The following ZNF623 variants were observed in gnomAD, a reference collection of about 807,000 sequenced individuals.
ZNF623 encodes the protein zinc finger protein 623.
In ZNF623, 16 loss-of-function variants were observed where a neutral mutation model predicts 24.0. The ratio of observed to expected loss-of-function variants is 0.67; its 90% CI spans 0.45 to 1.01. ZNF623 has a LOEUF of 1.01. Ranked by LOEUF, ZNF623 falls within the 50% of genes least tolerant of loss-of-function variation. ZNF623 has a pLI of 0.00. For synonymous variants in ZNF623, 224 were observed against 219.8 expected, an observed-to-expected ratio of 1.02 and a Z score of -0.17; for missense variants, 566 against 606.5, an observed-to-expected ratio of 0.93 and a Z score of 0.70.
chr8:143,637,715 A>G (rs1814956733), intron 1 of ZNF623, among the ~76,000 whole-genome samples: 1 of 151,978 alleles, frequency 6.6e-6, no homozygotes, highest in Admixed American at 6.6e-5. Flanking sequence ...ACGTCCGGCT[A>G]ATTTTTGTAT....
chr8:143,644,119 C>G (rs915980189), intron 1 of ZNF623, among the ~76,000 whole-genome samples: 1 of 152,164 alleles, frequency 6.6e-6, no homozygotes, highest in African/African-American at 2.4e-5. Context: ...CTCCCAGGTT[C>G]AAGTGATTCT....
intron 1 of ZNF623, among the ~76,000 whole-genome samples, chr8:143,644,171 C>G (rs1815119100): frequency 6.6e-6 from 1 of 152,118 alleles, no homozygotes; most frequent in African/African-American, 2.4e-5. Flanking sequence ...CAGGTGCATG[C>G]CACCACACCT....
chr8:143,643,836 A>T (rs919291158), intron 1 of ZNF623, among the ~76,000 whole-genome samples: 2 of 151,784 alleles, frequency 1.3e-5, no homozygotes, highest in Admixed American at 1.3e-4. Context: ...TCTGTGCATT[A>T]TTGTTTGTGT....
chr8:143,650,585 A>G lies in ZNF623; in HGVS notation c.593A>G (p.Lys198Arg). The G allele has an allele frequency of 6.2e-7, 1 of 1,614,226 alleles. No homozygotes were observed. The highest frequency in any genetic ancestry group is 8.5e-7 in the Non-Finnish European group (1 of 1,180,046). ...ACCAGAGAGAGACCTTTTGAATGCA[A>G]AGAGTGTGGGAAAGGCTTCAGTCAG... ...VHTRERPFECKECGKGFSQSS... is the reference protein window; with the variant it reads ...VHTRERPFECRECGKGFSQSS... Residue 198 changes from lysine (K) to arginine (R), a missense_variant, in exon 2 of 2, where the codon AAA becomes AGA. Coordinates refer to ENST00000526926, the MANE Select transcript of ZNF623 (RefSeq NM_001261843.2). The surrounding 1 kb of genome is among the most constrained non-coding windows in gnomAD (Gnocchi z 5.2).
chr8:143,649,134 C>A (rs1019327655), intron 1 of ZNF623, among the ~76,000 whole-genome samples: 1 of 151,862 alleles, frequency 6.6e-6, no homozygotes, highest in African/African-American at 2.4e-5. Context: ...AAAAATTAGC[C>A]GGGCGTGGTG....
intron 1 of ZNF623, among the ~76,000 whole-genome samples, chr8:143,638,167 C>G (rs951702715): frequency 1.1e-4 from 16 of 151,968 alleles, no homozygotes; most frequent in Non-Finnish European, 1.3e-4. Flanking sequence ...ATGGTGAAAC[C>G]CCATCTCTAC....
chr8:143,644,728 A>G (rs1048151465), intron 1 of ZNF623, among the ~76,000 whole-genome samples: 15 of 151,548 alleles, frequency 9.9e-5, no homozygotes, highest in Non-Finnish European at 1.3e-4. Flanking sequence ...CATCTCTACT[A>G]AAAATACACA....
At position 143,653,008 on chromosome 8, in the gene ZNF623, A is replaced by C. The variant is rs1443610396; in HGVS notation, c.*1525A>C. ...CAGGTGAGGGGGTGCCTGCTGTGGC[A>C]CAGAGCTGGGAAGGCCTTACAGAAG... On this transcript the variant is annotated 3_prime_UTR_variant, in exon 2 of 2. Coordinates refer to ENST00000526926, the MANE Select transcript of ZNF623 (RefSeq NM_001261843.2). 1 of 167,268 alleles carries C rather than the reference A, an allele frequency of 6.0e-6. No homozygotes were observed. Among genetic ancestry groups the C allele is most frequent in the Non-Finnish European group, 1.5e-5 (1 of 68,256 alleles). The allele number at this position is 167,268 out of a possible 1,614,324, so 10.4% of individuals were successfully genotyped here. A position where few individuals can be genotyped will look rare whatever the true frequency, so the allele number is the denominator to read the frequency against.
intron 1 of ZNF623, among the ~76,000 whole-genome samples, chr8:143,638,917 A>C (rs1814985533): frequency 6.6e-6 from 1 of 152,006 alleles, no homozygotes; most frequent in Admixed American, 6.6e-5. Flanking sequence ...TTTGAGATAG[A>C]GGTTTGCTCT....
chr8:143,643,094 C>G (rs908017009), intron 1 of ZNF623, among the ~76,000 whole-genome samples: 8 of 152,172 alleles, frequency 5.3e-5, no homozygotes, highest in African/African-American at 1.9e-4. Context: ...AGATTAGATG[C>G]GTGAGAAAAA....
intron 1 of ZNF623, among the ~76,000 whole-genome samples, chr8:143,641,120 T>C (rs954688080): frequency 7.9e-5 from 12 of 152,148 alleles, no homozygotes; most frequent in Non-Finnish European, 1.6e-4. Flanking sequence ...CAAAGATTCA[T>C]GAGGGCTGGA....
Position 143,651,038 on chromosome 8 carries a change from A to C in ZNF623, c.1046A>C (p.Tyr349Ser). Residue 349 changes from tyrosine (Y) to serine (S), a missense_variant, in exon 2 of 2, where the codon TAC (tyrosine) becomes TCC (serine). Transcript: ENST00000526926. ...ECGKAFFLSSYLIRHQKIHTG... is the reference protein window; with the variant it reads ...ECGKAFFLSSSLIRHQKIHTG... ...GGGAAAGCTTTCTTTCTGAGTTCATACCTTATTCGACACCAGAAAATCCAC... is the reference window on the plus strand; with the variant it reads ...GGGAAAGCTTTCTTTCTGAGTTCATCCCTTATTCGACACCAGAAAATCCAC... 6.2e-7 allele frequency: 1 copy of C among 1,614,078 alleles called. No individual in the cohort carries two copies. The highest frequency in any genetic ancestry group is 2.2e-5 in the East Asian group (1 of 44,894).
In ZNF623 at chr8:143,650,418, T is replaced by C. The variant is rs758101079; in HGVS notation, c.426T>C (p.Asn142=). The C allele has an allele frequency of 2.1e-5, 34 of 1,613,764 alleles. No homozygotes were observed. The Admixed American group carries it at 4.8e-4, about 23-fold the overall frequency. The change falls in exon 2 of 2, where the codon AAT becomes AAC. Residue 142 remains asparagine, a synonymous_variant. Transcript: ENST00000526926. This position sits in a 1 kb window ranked among gnomAD's most constrained non-coding sequence, Gnocchi z 5.2. ...IHTGERLYVC[N]VCGKDFIHYS... is the part of the protein sequence containing the mutation. ...CTGGAGAGAGACTCTACGTCTGTAATGTGTGTGGGAAAGACTTCATTCACT... is the reference window on the plus strand; with the variant it reads ...CTGGAGAGAGACTCTACGTCTGTAACGTGTGTGGGAAAGACTTCATTCACT...
chr8:143,641,101 C>G (rs1563697328), intron 1 of ZNF623, among the ~76,000 whole-genome samples: 1 of 152,286 alleles, frequency 6.6e-6, no homozygotes, highest in Non-Finnish European at 1.5e-5. Flanking sequence ...ACTGAAGTCT[C>G]AAACCCCTCA....
In ZNF623 at chr8:143,650,736, G is replaced by A. The variant is rs1815284472; in HGVS notation, c.744G>A (p.Val248=). ...GCCATTATCAGATCCACACAGAAGT[G>A]AAACAGTATGAATGCAAAGAATGTG... is the stretch of plus-strand genomic sequence containing the variant. The part of the protein sequence containing the change: ...LIRHYQIHTE[V]KQYECKECGK... Residue 248 remains valine, a synonymous_variant, in exon 2 of 2, where the codon GTG becomes GTA. Coordinates refer to ENST00000526926, the MANE Select transcript of ZNF623 (RefSeq NM_001261843.2). This position sits in a 1 kb window ranked among gnomAD's most constrained non-coding sequence, Gnocchi z 5.2. 1.2e-6 allele frequency: 2 copies of A among 1,613,870 alleles called. No homozygotes were observed. Among genetic ancestry groups the A allele is most frequent in the Admixed American group, 3.3e-5 (2 of 59,986 alleles).
chr8:143,646,284 C>G (rs1229014686), intron 1 of ZNF623, among the ~76,000 whole-genome samples: 2 of 152,172 alleles, frequency 1.3e-5, no homozygotes, highest in Non-Finnish European at 2.9e-5. Flanking sequence ...CTCAAGTAGT[C>G]CTCCTGCTTT....
chr8:143,652,729 G>A lies in ZNF623; in HGVS notation c.*1246G>A, dbSNP rs1419641039. On this transcript the variant is annotated 3_prime_UTR_variant, in exon 2 of 2. Transcript: ENST00000526926. ...TTGTCTGTATCTTTCTGTCTCACTC[G>A]AAAGGCACAGTCTCAATGCGCTACG... 2.4e-5 allele frequency: 4 copies of A among 167,072 alleles called. No homozygotes were observed. Among genetic ancestry groups the A allele is most frequent in the Non-Finnish European group, 4.4e-5 (3 of 68,112 alleles). The allele number at this position is 167,072 out of a possible 1,614,324, so 10.3% of individuals were successfully genotyped here.
rs2131462395 is a variant in ZNF623 at position 143,652,438 on chromosome 8, C to G, written c.*955C>G. 6.0e-6 allele frequency: 1 copy of G among 167,172 alleles called. No homozygotes were observed. The highest frequency in any genetic ancestry group is 2.4e-5 in the African/African-American group (1 of 41,572). 10.4% of individuals were successfully genotyped at this position (167,172 alleles called of 1,614,324 possible). On this transcript the variant is annotated 3_prime_UTR_variant, in exon 2 of 2. Transcript: ENST00000526926. Reference sequence around the variant, plus strand: ...TCTATACTGCCATTCTAAAAATTTTCAGCTGTTGGCTGTTTTTTTTGTTGT... The same window carrying G: ...TCTATACTGCCATTCTAAAAATTTTGAGCTGTTGGCTGTTTTTTTTGTTGT...
intron 1 of ZNF623, among the ~76,000 whole-genome samples, chr8:143,640,347 G>A (rs1225520668): frequency 6.6e-6 from 1 of 152,198 alleles, no homozygotes; most frequent in Non-Finnish European, 1.5e-5. Flanking sequence ...CAGGGTGATG[G>A]TTGCTGAAGG....
Sources: allele counts gnomAD v4.1 joint callset (sites outside exome capture counted in the v4.1 genomes callset), GRCh38; gene constraint gnomAD v4.1.1; non-coding constraint Gnocchi (gnomAD v3.1); transcripts MANE v1.5; gene names NCBI Gene and HGNC (gene_info 2026-07-23, HGNC 2026-07-21).